Variants in DEPDC1B observed in about 807,000 individuals in gnomAD.
DEPDC1B encodes DEP domain-containing protein 1B.
A neutral mutation model predicts 66.5 loss-of-function variants in DEPDC1B; 51 were observed. That is an observed-to-expected ratio of 0.77 (90% CI 0.61 to 0.97). The LOEUF is 0.97. Ranked by LOEUF, DEPDC1B falls within the 50% of genes least tolerant of loss-of-function variation. The pLI is 0.00. For missense variants in DEPDC1B, 552 were observed against 637.1 expected (o/e 0.87, Z 1.44); for synonymous variants, 226 against 223.6 (o/e 1.01, Z -0.10).
intron 1 of DEPDC1B, among the ~76,000 whole-genome samples, chr5:60,692,141 C>G (rs1186972922): frequency 6.6e-6 from 1 of 152,032 alleles, no homozygotes; most frequent in Non-Finnish European, 1.5e-5. Flanking sequence ...CAATTGAGTT[C>G]AAAGAGGCAA....
rs1752222585 is a variant in DEPDC1B, at chr5:60,602,608, T to C, written c.1242+783A>G. 2.0e-5 allele frequency among the ~76,000 whole-genome samples: 3 copies of C among 152,106 alleles called. No homozygotes were observed. In the South Asian group the frequency reaches 6.2e-4, roughly 32 times the overall value. ...AAACCCCACTTTGGGGTCCACACGATAATAATATATTATATTTCTTTTGCA... is the reference window on the plus strand; with the variant it reads ...AAACCCCACTTTGGGGTCCACACGACAATAATATATTATATTTCTTTTGCA... On this transcript the variant is annotated intron_variant, in intron 9 of 10. Coordinates refer to ENST00000265036, the MANE Select transcript of DEPDC1B (RefSeq NM_018369.3).
In DEPDC1B at chr5:60,660,287, G is replaced by A. The variant is rs984393273; in HGVS notation, c.315-12754C>T. Among the ~76,000 whole-genome samples the A allele has an allele frequency of 2.8e-5, 4 of 144,918 alleles. No homozygotes were observed. The South Asian group carries it at 9.3e-4, about 34-fold the overall frequency. On this transcript the variant is annotated intron_variant, in intron 2 of 10. Coordinates refer to ENST00000265036, the MANE Select transcript of DEPDC1B (RefSeq NM_018369.3). ...GAGACAGAGAGAGAGACAGAGAGGA[G>A]AGAGAAAGAGACAGGAGAGAGAGAC...
At chr5:60,659,020 T>C (rs987689948) in intron 2 of DEPDC1B, among the ~76,000 whole-genome samples, 2 of 152,180 alleles carry the variant, frequency 1.3e-5, no homozygotes, top group Non-Finnish European at 2.9e-5. Flanking sequence ...CCTGCATGGC[T>C]AAGGGCCCAG....
chr5:60,658,894 T>C (rs1263751453), intron 2 of DEPDC1B, among the ~76,000 whole-genome samples: 3 of 152,232 alleles, frequency 2.0e-5, no homozygotes, highest in Non-Finnish European at 2.9e-5. Context: ...TGTTTACCAC[T>C]GTCGCAGACC....
intron 2 of DEPDC1B, among the ~76,000 whole-genome samples, chr5:60,658,324 C>T (rs931986836): frequency 8.5e-5 from 13 of 152,108 alleles, no homozygotes; most frequent in South Asian, 4.1e-4. Context: ...GGTTTGGATC[C>T]GTTGCTGGTG....
intron 7 of DEPDC1B, among the ~76,000 whole-genome samples, chr5:60,611,065 T>C (rs1470200049): frequency 6.6e-6 from 1 of 152,234 alleles, no homozygotes; most frequent in Non-Finnish European, 1.5e-5. Flanking sequence ...CAACCCTGTG[T>C]TAATCAAGGC....
intron 2 of DEPDC1B, among the ~76,000 whole-genome samples, chr5:60,656,073 A>T (rs189873840): frequency 2.6e-5 from 4 of 152,046 alleles, no homozygotes; most frequent in Non-Finnish European, 5.9e-5. Flanking sequence ...TGTGCTGATG[A>T]ATAGAATGTA....
chr5:60,623,998 A>T (rs1264531564), intron 7 of DEPDC1B, among the ~76,000 whole-genome samples: 1 of 152,038 alleles, frequency 6.6e-6, no homozygotes, highest in Non-Finnish European at 1.5e-5. Flanking sequence ...TTTCATTTTC[A>T]TGCCTTTAAG....
At chr5:60,663,458 T>C (rs1334964130) in intron 2 of DEPDC1B, among the ~76,000 whole-genome samples, 1 of 152,038 alleles carries the variant, frequency 6.6e-6, no homozygotes, top group Admixed American at 6.5e-5. Flanking sequence ...TACCCAGCTG[T>C]ACCTAACCCT....
intron 2 of DEPDC1B, 183 bp from the exon 3 acceptor site, chr5:60,647,716 G>A: frequency 2.1e-6 from 1 of 478,776 alleles, no homozygotes; most frequent in East Asian, 4.0e-5. Flanking sequence ...GAAAAGAAAG[G>A]TGATTGAATA....
chr5:60,623,846 A>G (rs751149122), intron 7 of DEPDC1B, among the ~76,000 whole-genome samples: 2 of 152,016 alleles, frequency 1.3e-5, no homozygotes, highest in African/African-American at 4.8e-5. Flanking sequence ...TTTCCAATTG[A>G]TTTTTATACA....
chr5:60,676,705 C>T (rs919771271), intron 2 of DEPDC1B, among the ~76,000 whole-genome samples: 5 of 152,082 alleles, frequency 3.3e-5, no homozygotes, highest in African/African-American at 7.2e-5. Context: ...ACTGTTTAGC[C>T]GACCCAGGCT....
At chr5:60,694,605 T>C (rs140047472) in intron 1 of DEPDC1B, among the ~76,000 whole-genome samples, 547 of 152,360 alleles carry the variant, frequency 3.6e-3, no homozygotes, top group Non-Finnish European at 6.1e-3. Flanking sequence ...AAATGATAGA[T>C]CCATATTTTG....
chr5:60,650,240 G>GCAAA (rs1445203880), intron 2 of DEPDC1B, among the ~76,000 whole-genome samples: 1 of 151,986 alleles, frequency 6.6e-6, no homozygotes, highest in Non-Finnish European at 1.5e-5. Context: ...ATATGAAAAT[G>GCAAA]CAAAGGCCCA....
intron 2 of DEPDC1B, chr5:60,648,036 G>C (rs1346199742): frequency 2.0e-5 from 3 of 152,206 alleles, no homozygotes; most frequent in Admixed American, 6.5e-5. Flanking sequence ...TGAATCTGGA[G>C]ACTCACCAAC....
intron 7 of DEPDC1B, among the ~76,000 whole-genome samples, chr5:60,609,656 T>C (rs918752601): frequency 9.9e-5 from 15 of 152,178 alleles, no homozygotes; most frequent in Non-Finnish European, 1.8e-4. Context: ...TCTATAACAC[T>C]ACTAGATTTG....
chr5:60,699,155 A>G (rs1343644483), intron 1 of DEPDC1B, among the ~76,000 whole-genome samples: 2 of 152,182 alleles, frequency 1.3e-5, no homozygotes, highest in Non-Finnish European at 2.9e-5. Flanking sequence ...TCTGTATCCC[A>G]GCATCCTCAC....
Position 60,668,233 on chromosome 5 carries a change from T to TTA in DEPDC1B, c.314+18727_314+18728dup, listed in dbSNP as rs3989097. ...TATATATATATATAAAATGGATATT[T>TTA]TATATATATATATAAAATGGATATT... On this transcript the variant is annotated intron_variant, in intron 2 of 10. Coordinates refer to ENST00000265036, the MANE Select transcript of DEPDC1B (RefSeq NM_018369.3). Among the ~76,000 whole-genome samples the TTA allele has an allele frequency of 5.8e-3, 157 of 27,102 alleles. 41 individuals carry two copies. In the East Asian group the frequency reaches 0.077, roughly 13 times the overall value. 17.8% of individuals were successfully genotyped at this position (27,102 alleles called of 152,430 possible). A position where few individuals can be genotyped will look rare whatever the true frequency, so the allele number is the denominator to read the frequency against.
intron 7 of DEPDC1B, among the ~76,000 whole-genome samples, chr5:60,614,182 C>G (rs953368130): frequency 1.3e-5 from 2 of 152,196 alleles, no homozygotes; most frequent in Admixed American, 6.5e-5. Context: ...AAAGCAGCAC[C>G]ATGCGTTTCC....
Sources: gnomAD v4.1 joint callset for allele counts (sites outside exome capture counted in the v4.1 genomes callset) on GRCh38, gnomAD v4.1.1 for gene constraint, MANE v1.5 for transcripts, NCBI Gene and HGNC (gene_info 2026-07-23, HGNC 2026-07-21) for gene names.